The following EP400 variants were observed in gnomAD, a reference collection of about 807,000 sequenced individuals.
The protein encoded by EP400 is E1A-binding protein p400.
A neutral mutation model predicts 354.1 loss-of-function variants in EP400; 105 were observed. That is an observed-to-expected ratio of 0.30 (90% confidence interval 0.25 to 0.35). The LOEUF (loss-of-function observed/expected upper bound fraction) is 0.35. Ranked by LOEUF, EP400 falls within the 10% of genes least tolerant of loss-of-function variation. EP400 has a pLI of 1.00. For synonymous variants in EP400, 1,646 were observed against 1,716.9 expected, an observed-to-expected ratio of 0.96 and a Z score of 1.02; for missense variants, 3,280 against 4,121.0, an observed-to-expected ratio of 0.80 and a Z score of 5.59.
At chr12:132,008,072 C>A (rs1893644636) in intron 15 of EP400, among the ~76,000 whole-genome samples, 2 of 152,160 alleles carry the variant, frequency 1.3e-5, no homozygotes, top group South Asian at 4.1e-4. Context: ...CCTCAGCCTC[C>A]CAAGTAGCTG....
Position 131,979,705 on chromosome 12 carries a change from C to T in EP400, c.1347C>T (p.Leu449=), listed in dbSNP as rs566675522. ...SEVINDEQQA[L]AGSLVAGAGS... is the part of the protein sequence containing the mutation. The stretch of plus-strand genomic sequence containing the variant: ...ATCTTTTTTCCCAGCAGCAAGCCCT[C>T]GCAGGGAGCCTGGTAGCAGGGGCCG... The change falls in exon 3 of 53, where the codon CTC becomes CTT. Residue 449 remains leucine (L), a synonymous_variant. Coordinates refer to ENST00000389561, the MANE Select transcript of EP400 (RefSeq NM_015409.5). The T allele has an allele frequency of 2.8e-4, 447 of 1,606,994 alleles. 2 individuals are homozygous for T. In the South Asian group the frequency reaches 3.8e-3, roughly 14 times the overall value.
rs1894399448 is a variant in EP400 at position 132,029,115 on chromosome 12, C to G, written c.5382-586C>G. 6.5e-6 allele frequency: 1 copy of G among 153,460 alleles called. No homozygotes were observed. Among genetic ancestry groups the G allele is most frequent in the Admixed American group, 6.5e-5 (1 of 15,444 alleles). 9.5% of individuals were successfully genotyped at this position (153,460 alleles called of 1,614,324 possible). ...AGTACTGATTTGTCTTTGTGTACTC[C>G]TCCCTCATTGAACATCATGGGTGAC... is the stretch of plus-strand genomic sequence containing the variant. On this transcript the variant is annotated intron_variant, in intron 27 of 52. Coordinates refer to ENST00000389561, the MANE Select transcript of EP400 (RefSeq NM_015409.5). The surrounding 1 kb of genome is among the most constrained non-coding windows in gnomAD (Gnocchi z 4.7).
At chr12:131,973,690 A>C (rs182327419) in intron 2 of EP400, among the ~76,000 whole-genome samples, 1 of 152,228 alleles carries the variant, frequency 6.6e-6, no homozygotes, top group Non-Finnish European at 1.5e-5. Flanking sequence ...ATTTGCAGCC[A>C]ATTGTAGGAT....
At chr12:131,999,016 A>G (rs1375723700) in intron 12 of EP400, among the ~76,000 whole-genome samples, 1 of 151,434 alleles carries the variant, frequency 6.6e-6, no homozygotes, top group African/African-American at 2.4e-5. Context: ...TGTGCTAGGT[A>G]GGACTTTCAG....
In EP400 at chr12:132,054,095, G is replaced by A. The variant is rs745597596; in HGVS notation, c.7728+498G>A. On this transcript the variant is annotated intron_variant, in intron 43 of 52. Coordinates refer to ENST00000389561, the MANE Select transcript of EP400 (RefSeq NM_015409.5). The surrounding 1 kb of genome is among the most constrained non-coding windows in gnomAD (Gnocchi z 4.0). Reference sequence around the variant, plus strand: ...AAAGAAAGGCAGGGTGCGGAGCTGCGGACTGTGGCCATGCACACCACGCTC... The same window carrying A: ...AAAGAAAGGCAGGGTGCGGAGCTGCAGACTGTGGCCATGCACACCACGCTC... Among the ~76,000 whole-genome samples the A allele has an allele frequency of 3.9e-5, 6 of 152,158 alleles. No homozygotes were observed. Among genetic ancestry groups the A allele is most frequent in the Non-Finnish European group, 8.8e-5 (6 of 68,030 alleles).
At chr12:132,037,864 G>A (rs1385496056) in intron 31 of EP400, 71 bp downstream of exon 31, 4 of 1,611,822 alleles carry the variant, frequency 2.5e-6, no homozygotes, top group South Asian at 2.2e-5. Context: ...TGGTGTTAGT[G>A]CACACTAGCA....
rs112195149 is a variant in EP400, at chr12:132,017,324, C to T, written c.3924-211C>T. 4.6e-5 allele frequency among the ~76,000 whole-genome samples: 7 copies of T among 152,170 alleles called. No homozygotes were observed. Among genetic ancestry groups the T allele is most frequent in the African/African-American group, 1.7e-4 (7 of 41,516 alleles). On this transcript the variant is annotated intron_variant, in intron 19 of 52. Transcript: ENST00000389561. This position sits in a 1 kb window ranked among gnomAD's most constrained non-coding sequence, Gnocchi z 5.0. ...TGTCTTTCCGTCAGCTCTGGTGGGG[C>T]GGATGTCATTCTCAATGGGGATGGC...
rs1285252814 is a variant in EP400 at position 131,954,670 on chromosome 12, A to G, written c.-36+4634A>G. On this transcript the variant is annotated intron_variant, in intron 1 of 52. Coordinates refer to ENST00000389561, the MANE Select transcript of EP400 (RefSeq NM_015409.5). ...AACCCGGGAGGCGGAGGGCGCAGTGAGCCGAAATCACGCCAGTGCACTCCA... is the reference window on the plus strand; with the variant it reads ...AACCCGGGAGGCGGAGGGCGCAGTGGGCCGAAATCACGCCAGTGCACTCCA... 5.9e-5 allele frequency among the ~76,000 whole-genome samples: 8 copies of G among 135,176 alleles called. No individual in the cohort carries two copies. The Admixed American group carries it at 6.6e-4, about 11-fold the overall frequency. 88.7% of individuals were successfully genotyped at this position (135,176 alleles called of 152,430 possible). A position where few individuals can be genotyped will look rare whatever the true frequency, so the allele number is the denominator to read the frequency against.
intron 23 of EP400, among the ~76,000 whole-genome samples, chr12:132,022,692 A>G (rs1894159336): frequency 1.3e-5 from 2 of 151,598 alleles, no homozygotes; most frequent in African/African-American, 4.9e-5. Flanking sequence ...AATGTTATAG[A>G]TTGACGCTTA....
At chr12:132,068,398 A>G (rs1056959528) in intron 50 of EP400, 2 of 152,354 alleles carry the variant, frequency 1.3e-5, no homozygotes, top group African/African-American at 4.8e-5. Flanking sequence ...CAGGGCCAGT[A>G]AAAGGCAGCT....
At chr12:132,031,140 T>A (rs1377582872) in intron 29 of EP400, 1 of 446,000 alleles carries the variant, frequency 2.2e-6, no homozygotes, top group Non-Finnish European at 4.5e-6. Context: ...CAGAAATCGT[T>A]ATGGAAGAAA....
chr12:131,956,663 A>G (rs1444919353), intron 1 of EP400, among the ~76,000 whole-genome samples: 1 of 152,022 alleles, frequency 6.6e-6, no homozygotes, highest in Non-Finnish European at 1.5e-5. Context: ...CCCATTTGAA[A>G]TCTTTTCTAC....
Position 132,054,967 on chromosome 12 carries a change from T to C in EP400, c.7729-7T>C. 3.1e-6 allele frequency: 5 copies of C among 1,612,122 alleles called. No homozygotes were observed. The highest frequency in any genetic ancestry group is 3.4e-6 in the Non-Finnish European group (4 of 1,178,840). ...GAAATTCAAATGGATTTTTTTTTTT[T>C]AAATAGGCAGGAACCATTAAAACAT... On this transcript the variant is annotated splice_region_variant and splice_polypyrimidine_tract_variant and intron_variant, in intron 43 of 52. Transcript: ENST00000389561. This position sits in a 1 kb window ranked among gnomAD's most constrained non-coding sequence, Gnocchi z 4.0.
At chr12:132,021,843 AAC>A (rs1894132347) in intron 23 of EP400, among the ~76,000 whole-genome samples, 2 of 152,234 alleles carry the variant, frequency 1.3e-5, no homozygotes, top group South Asian at 4.1e-4. Flanking sequence ...TGACTTAAAA[AAC>A]ACAGTTATTA....
At position 132,054,888 on chromosome 12, in the gene EP400, AT is replaced by A; in HGVS notation, c.7729-84del. ...GTGAATGTCGTGGAGTTTGGATTTG[AT>A]TCTGAATGAAGTGGAAGCCTTTGGA... is the stretch of plus-strand genomic sequence containing the variant. On this transcript the variant is annotated intron_variant, in intron 43 of 52. Coordinates refer to ENST00000389561, the MANE Select transcript of EP400 (RefSeq NM_015409.5). This position sits in a 1 kb window ranked among gnomAD's most constrained non-coding sequence, Gnocchi z 4.0. 2.9e-6 allele frequency: 4 copies of A among 1,385,448 alleles called. No individual in the cohort carries two copies. In the South Asian group the frequency reaches 3.5e-5, roughly 12 times the overall value. The allele number at this position is 1,385,448 out of a possible 1,614,324, so 85.8% of individuals were successfully genotyped here. A position where few individuals can be genotyped will look rare whatever the true frequency, so the allele number is the denominator to read the frequency against.
chr12:131,978,758 C>T (rs113626689), intron 2 of EP400, among the ~76,000 whole-genome samples: 1 of 152,244 alleles, frequency 6.6e-6, no homozygotes, highest in African/African-American at 2.4e-5. Context: ...AGCGATCCTC[C>T]CACCTCAGCC....
At chr12:131,985,698 CTT>C in intron 5 of EP400, among the ~76,000 whole-genome samples, 1 of 152,338 alleles carries the variant, frequency 6.6e-6, no homozygotes, top group African/African-American at 2.4e-5. Flanking sequence ...ACCTCCGCCT[CTT>C]GGGTTTAAGC....
At position 132,018,030 on chromosome 12, in the gene EP400, T is replaced by C. The variant is rs1398238297; in HGVS notation, c.4111-180T>C. On this transcript the variant is annotated intron_variant, in intron 20 of 52. Coordinates refer to ENST00000389561, the MANE Select transcript of EP400 (RefSeq NM_015409.5). The surrounding 1 kb of genome is among the most constrained non-coding windows in gnomAD (Gnocchi z 4.0). Reference sequence around the variant, plus strand: ...AGCATGCACGCTCATCAGCAGAGCTTCACCAAGGGTGTGGCAGCACCTGTG... The same window carrying C: ...AGCATGCACGCTCATCAGCAGAGCTCCACCAAGGGTGTGGCAGCACCTGTG... Among the ~76,000 whole-genome samples the C allele has an allele frequency of 6.6e-6, 1 of 152,176 alleles. No homozygotes were observed. Among genetic ancestry groups the C allele is most frequent in the Non-Finnish European group, 1.5e-5 (1 of 68,038 alleles).
At position 131,961,687 on chromosome 12, in the gene EP400, A is replaced by G. The variant is rs761914726; in HGVS notation, c.1068A>G (p.Pro356=). ...CCAAGAAGTTAGAGGAGATTCCCCC[A>G]GCCTCTCCGGAGATGGCACAGATGA... ...KVPKKLEEIP[P]ASPEMAQMRK... is the part of the protein sequence containing the mutation. Residue 356 remains proline, a synonymous_variant, in exon 2 of 53, where the codon CCA becomes CCG. Transcript: ENST00000389561. 2 of 1,613,850 alleles carry G rather than the reference A, an allele frequency of 1.2e-6. No homozygotes were observed. The highest frequency in any genetic ancestry group is 1.7e-6 in the Non-Finnish European group (2 of 1,179,862).
Sources: allele counts gnomAD v4.1 joint callset (sites outside exome capture counted in the v4.1 genomes callset), GRCh38; gene constraint gnomAD v4.1.1; non-coding constraint Gnocchi (gnomAD v3.1); transcripts MANE v1.5; gene names NCBI Gene and HGNC (gene_info 2026-07-23, HGNC 2026-07-21).